The following PTBP3 variants were observed in gnomAD, a reference collection of about 807,000 sequenced individuals.
PTBP3 encodes the protein polypyrimidine tract binding protein 3, also known as polypyrimidine tract-binding protein 3.
Under a neutral mutation model 58.7 loss-of-function variants are expected in PTBP3, and 20 were observed. That is an observed-to-expected ratio of 0.34 (90% CI 0.24 to 0.50). The LOEUF is 0.50. Ranked by LOEUF, PTBP3 falls within the 20% of genes least tolerant of loss-of-function variation. The probability of loss-of-function intolerance (pLI) is 0.98; values close to 1 mark genes in which losing one functional copy is unlikely to be tolerated. For missense variants in PTBP3, 509 were observed against 637.2 expected, an observed-to-expected ratio of 0.80 and a Z score of 2.17; for synonymous variants, 185 against 219.8, an observed-to-expected ratio of 0.84 and a Z score of 1.40.
intron 7 of PTBP3, among the ~76,000 whole-genome samples, chr9:112,238,261 A>G (rs1339103269): frequency 6.6e-6 from 1 of 152,204 alleles, no homozygotes; most frequent in African/African-American, 2.4e-5. Flanking sequence ...CTTTTTAAAA[A>G]TGAACCAAAT....
the PTBP3 span, among the ~76,000 whole-genome samples, chr9:112,376,125 C>A: frequency 7.2e-6 from 1 of 139,646 alleles, no homozygotes; most frequent in Non-Finnish European, 1.5e-5. Context: ...CTTCTGGTAC[C>A]AAAATCCGTA....
At chr9:112,258,580 ATTTACTTACC>A (rs1263623339) in intron 5 of PTBP3, among the ~76,000 whole-genome samples, 1 of 151,990 alleles carries the variant, frequency 6.6e-6, no homozygotes, top group African/African-American at 2.4e-5. Context: ...TATTACTATT[ATTTACTTACC>A]TCAGTCTTTA....
At chr9:112,243,877 G>A (rs1368321869) in intron 7 of PTBP3, among the ~76,000 whole-genome samples, 2 of 152,120 alleles carry the variant, frequency 1.3e-5, no homozygotes, top group Non-Finnish European at 2.9e-5. Flanking sequence ...GAAAGAAAGA[G>A]AAATGCAGAG....
chr9:112,250,029 T>C (rs948310261), intron 7 of PTBP3, among the ~76,000 whole-genome samples: 1 of 152,032 alleles, frequency 6.6e-6, no homozygotes, highest in East Asian at 1.9e-4. Flanking sequence ...AAATTAAAAA[T>C]AATAAAAAAG....
rs757004881 is a variant in PTBP3, at chr9:112,220,325, G to A, written c.*3526C>T. 2.3e-6 allele frequency: 3 copies of A among 1,299,498 alleles called. No individual in the cohort carries two copies. Among genetic ancestry groups the A allele is most frequent in the Non-Finnish European group, 3.0e-6 (3 of 993,572 alleles). The allele number at this position is 1,299,498 out of a possible 1,614,324, so 80.5% of individuals were successfully genotyped here. On this transcript the variant is annotated 3_prime_UTR_variant, in exon 14 of 14. Coordinates refer to ENST00000374257, the MANE Select transcript of PTBP3 (RefSeq NM_001163788.4). The stretch of plus-strand genomic sequence containing the variant: ...TCATGCCTGTAATCCCAGCACTGTG[G>A]GGAGGTGGAAGCAGGAGAATCACTT...
At chr9:112,265,736 C>T (rs1455819972) in intron 4 of PTBP3, among the ~76,000 whole-genome samples, 1 of 152,088 alleles carries the variant, frequency 6.6e-6, no homozygotes, top group Non-Finnish European at 1.5e-5. Context: ...TACATATGAT[C>T]AGCAGGCATA....
chr9:112,233,488 A>G (rs1835326593), intron 8 of PTBP3, among the ~76,000 whole-genome samples: 1 of 152,174 alleles, frequency 6.6e-6, no homozygotes, highest in Non-Finnish European at 1.5e-5. Flanking sequence ...GGAGCTTCAA[A>G]TAAATAAACT....
the PTBP3 span, among the ~76,000 whole-genome samples, chr9:112,361,767 CTG>C: frequency 8.5e-3 from 1,295 of 152,262 alleles, 26 homozygotes; most frequent in African/African-American, 0.03. Flanking sequence ...GCTCTTTTGA[CTG>C]TGGACATTCG....
At position 112,251,435 on chromosome 9, in the gene PTBP3, T is replaced by C. The variant is rs934570037; in HGVS notation, c.628-332A>G. 3.1e-4 allele frequency among the ~76,000 whole-genome samples: 47 copies of C among 152,166 alleles called. 1 individual carries two copies. Among genetic ancestry groups the C allele is most frequent in the African/African-American group, 1.1e-3 (45 of 41,452 alleles). On this transcript the variant is annotated intron_variant, in intron 6 of 13. Coordinates refer to ENST00000374257, the MANE Select transcript of PTBP3 (RefSeq NM_001163788.4). ...ACTATTATTATGATTATTTTGCCTATATCAAAAGTTTTAAGATACTCTGAT... is the reference window on the plus strand; with the variant it reads ...ACTATTATTATGATTATTTTGCCTACATCAAAAGTTTTAAGATACTCTGAT...
the PTBP3 span, among the ~76,000 whole-genome samples, chr9:112,377,025 G>T: frequency 3.9e-5 from 6 of 152,238 alleles, no homozygotes; most frequent in African/African-American, 1.4e-4. Context: ...ACCTGGGGTA[G>T]GTAGGTATGC....
intron 3 of PTBP3, among the ~76,000 whole-genome samples, chr9:112,275,280 C>T (rs1653210970): frequency 2.0e-5 from 3 of 152,114 alleles, no homozygotes; most frequent in Non-Finnish European, 4.4e-5. Flanking sequence ...GGATTACAGG[C>T]ATGTGACACC....
chr9:112,279,273 T>A (rs989301554), intron 2 of PTBP3, among the ~76,000 whole-genome samples: 1 of 152,190 alleles, frequency 6.6e-6, no homozygotes, highest in Admixed American at 6.5e-5. Flanking sequence ...AATACAAAAA[T>A]AAGCATTCAA....
chr9:112,272,425 A>G (rs1431694870), intron 3 of PTBP3, among the ~76,000 whole-genome samples: 1 of 152,226 alleles, frequency 6.6e-6, no homozygotes, highest in Non-Finnish European at 1.5e-5. Flanking sequence ...CTGAGTCCTC[A>G]AAATACTGGT....
intron 5 of PTBP3, among the ~76,000 whole-genome samples, chr9:112,261,961 G>A (rs1426271865): frequency 2.0e-5 from 3 of 152,110 alleles, no homozygotes; most frequent in African/African-American, 7.2e-5. Flanking sequence ...CTTAGATATA[G>A]CAATGGGTAG....
chr9:112,269,590 T>G (rs924181389), intron 3 of PTBP3, among the ~76,000 whole-genome samples: 1 of 152,232 alleles, frequency 6.6e-6, no homozygotes, highest in African/African-American at 2.4e-5. Flanking sequence ...CATTAACACC[T>G]CTGAGCCTTA....
chr9:112,256,761 G>A (rs958819466), intron 5 of PTBP3, among the ~76,000 whole-genome samples: 4 of 152,044 alleles, frequency 2.6e-5, no homozygotes, highest in South Asian at 2.1e-4. Flanking sequence ...GACCTCACAC[G>A]ATTCTCCTAC....
rs1363353092 is a variant in PTBP3, at chr9:112,333,610, G to A, written c.-192C>T. The A allele has an allele frequency of 9.3e-7, 1 of 1,072,014 alleles. No homozygotes were observed. The highest frequency in any genetic ancestry group is 1.4e-6 in the Non-Finnish European group (1 of 733,550). The allele number at this position is 1,072,014 out of a possible 1,614,324, so 66.4% of individuals were successfully genotyped here. ...GCGGAGCCCCGGCCGGTCCGAGGTG[G>A]AAGGAGAGTGGGAACAGGGGCGGGG... On this transcript the variant is annotated 5_prime_UTR_variant, in exon 1 of 14. Coordinates refer to ENST00000374257, the MANE Select transcript of PTBP3 (RefSeq NM_001163788.4).
At chr9:112,306,459 CA>C (rs34048627) in intron 1 of PTBP3, among the ~76,000 whole-genome samples, 4 of 142,484 alleles carry the variant, frequency 2.8e-5, no homozygotes, top group South Asian at 2.2e-4. Flanking sequence ...TGTGCCTGGG[CA>C]AAAAAAAAAA....
intron 12 of PTBP3, among the ~76,000 whole-genome samples, chr9:112,226,254 T>G (rs186695033): frequency 1.3e-5 from 2 of 151,968 alleles, no homozygotes; most frequent in Non-Finnish European, 2.9e-5. Context: ...CTGCCCCACT[T>G]GGATTCAAGG....
Sources: gnomAD v4.1 joint callset for allele counts (sites outside exome capture counted in the v4.1 genomes callset) on GRCh38, gnomAD v4.1.1 for gene constraint, MANE v1.5 for transcripts, NCBI Gene and HGNC (gene_info 2026-07-23, HGNC 2026-07-21) for gene names.